NUDT2: variants seen among roughly 807,000 people sequenced by gnomAD.
The protein encoded by NUDT2 is bis(5'-nucleosyl)-tetraphosphatase [asymmetrical].
In NUDT2, 12 loss-of-function variants were observed where a neutral mutation model predicts 14.2. The ratio of observed to expected loss-of-function variants is 0.84; its 90% CI spans 0.54 to 1.37. The LOEUF (loss-of-function observed/expected upper bound fraction) is 1.37, where lower values mean the gene tolerates loss of function less well. NUDT2 is among the 40% of genes most tolerant of loss of function. The pLI is 0.00. For missense variants in NUDT2, 167 were observed against 176.7 expected, an observed-to-expected ratio of 0.95 and a Z score of 0.31; for synonymous variants, 67 against 67.4, an observed-to-expected ratio of 0.99 and a Z score of 0.03.
At chr9:34,334,751 A>G (rs1357552053) in intron 1 of NUDT2, among the ~76,000 whole-genome samples, 1 of 152,212 alleles carries the variant, frequency 6.6e-6, no homozygotes, top group African/African-American at 2.4e-5. Context: ...CTTCCCTGCC[A>G]GAGGTACCAG....
intron 1 of NUDT2, among the ~76,000 whole-genome samples, chr9:34,329,806 A>G (rs2131847561): frequency 6.6e-6 from 1 of 152,054 alleles, no homozygotes; most frequent in Admixed American, 6.6e-5. Context: ...GGGAGAAGGG[A>G]GGTTCCCTGA....
intron 1 of NUDT2, among the ~76,000 whole-genome samples, chr9:34,332,241 A>G (rs1837961916): frequency 6.6e-6 from 1 of 152,180 alleles, no homozygotes; most frequent in Non-Finnish European, 1.5e-5. Flanking sequence ...GGTGTTGCCC[A>G]CACTCCTCCC....
rs1193309114 is a variant in NUDT2, at chr9:34,343,466, T to A, written c.*26T>A. ...GCTGACTGGAGCAGAGTCATTTGCT[T>A]CAGCAGGATCCTTGTGGGCCTTCTA... On this transcript the variant is annotated 3_prime_UTR_variant, in exon 5 of 5. Transcript: ENST00000379158. 1 of 1,529,506 alleles carries A rather than the reference T, an allele frequency of 6.5e-7. No homozygotes were observed. Among genetic ancestry groups the A allele is most frequent in the Admixed American group, 2.0e-5 (1 of 49,156 alleles). The allele number at this position is 1,529,506 out of a possible 1,614,324, so 94.7% of individuals were successfully genotyped here. A position where few individuals can be genotyped will look rare whatever the true frequency, so the allele number is the denominator to read the frequency against.
intron 1 of NUDT2, among the ~76,000 whole-genome samples, chr9:34,332,531 C>T (rs907598037): frequency 6.6e-5 from 10 of 152,272 alleles, no homozygotes; most frequent in Admixed American, 4.6e-4. Flanking sequence ...ACAAATTCCC[C>T]GAGTTAGCTT....
In NUDT2 at chr9:34,339,046, T is replaced by C. The variant is rs148118852; in HGVS notation, c.7T>C (p.Leu3=). Residue 3 remains leucine (L), a synonymous_variant, in exon 4 of 5, where the codon TTG becomes CTG. Coordinates refer to ENST00000379158, the MANE Select transcript of NUDT2 (RefSeq NM_001161.5). The stretch of plus-strand genomic sequence containing the variant: ...AAGTCCTTAGGATAAGACCATGGCC[T>C]TGAGAGCATGTGGCTTGATCATCTT... MA[L]RACGLIIFRR... 1.5e-4 allele frequency: 248 copies of C among 1,613,596 alleles called. 3 individuals are homozygous for C. In the African/African-American group the frequency reaches 2.9e-3, roughly 19 times the overall value.
chr9:34,338,327 TAAAAAAAA>T (rs61594121), intron 2 of NUDT2, among the ~76,000 whole-genome samples: 11 of 33,738 alleles, frequency 3.3e-4, no homozygotes, highest in African/African-American at 1.0e-3. Context: ...ACCCTGTCTC[TAAAAAAAA>T]AAAAAAAAAA....
intron 1 of NUDT2, among the ~76,000 whole-genome samples, chr9:34,334,417 T>C (rs996730550): frequency 6.6e-6 from 1 of 152,170 alleles, no homozygotes; most frequent in Non-Finnish European, 1.5e-5. Context: ...GCTGCAGGCA[T>C]ATTTGCATAT....
intron 4 of NUDT2, among the ~76,000 whole-genome samples, chr9:34,342,567 C>T (rs1451914279): frequency 6.6e-6 from 1 of 152,142 alleles, no homozygotes; most frequent in Non-Finnish European, 1.5e-5. Flanking sequence ...ACCTGACTTG[C>T]TATACACATG....
At chr9:34,338,877 T>C (rs1207671501) in intron 3 of NUDT2, 30 bp downstream of exon 3, 2 of 593,420 alleles carry the variant, frequency 3.4e-6, no homozygotes, top group African/African-American at 1.8e-5. Flanking sequence ...ATGCCTTCCA[T>C]TGGTCCTGGG....
chr9:34,338,356 A>AACAAAAAAAAAAAAAAAAAAAAAAAAC, intron 2 of NUDT2, among the ~76,000 whole-genome samples: 1 of 137,958 alleles, frequency 7.2e-6, no homozygotes. Context: ...AAAAAAAAAA[A>AACAAAAAAAAAAAAAAAAAAAAAAAAC]ATTGGCCAGG....
chr9:34,339,300 C>A (rs1838176834), intron 4 of NUDT2, 134 bp downstream of exon 4: 5 of 1,049,960 alleles, frequency 4.8e-6, no homozygotes, highest in Non-Finnish European at 5.5e-6. Context: ...GAGCTCTTGA[C>A]CCTTTCTACA....
At chr9:34,330,697 C>T (rs1393434175) in intron 1 of NUDT2, among the ~76,000 whole-genome samples, 6 of 152,034 alleles carry the variant, frequency 3.9e-5, no homozygotes, top group Non-Finnish European at 8.8e-5. Context: ...CGCGGTGGCT[C>T]ACGCCTGTAA....
intron 1 of NUDT2, among the ~76,000 whole-genome samples, chr9:34,332,180 A>G (rs1452886646): frequency 6.6e-6 from 1 of 152,224 alleles, no homozygotes; most frequent in Non-Finnish European, 1.5e-5. Flanking sequence ...TTCATTGCCT[A>G]CAGAATATAA....
At chr9:34,334,593 G>A (rs961488357) in intron 1 of NUDT2, among the ~76,000 whole-genome samples, 4 of 152,168 alleles carry the variant, frequency 2.6e-5, no homozygotes, top group African/African-American at 9.7e-5. Context: ...GCACTCTTCA[G>A]GAAAACACTG....
intron 1 of NUDT2, among the ~76,000 whole-genome samples, chr9:34,331,197 T>G (rs1837922675): frequency 6.6e-6 from 1 of 152,230 alleles, no homozygotes; most frequent in African/African-American, 2.4e-5. Flanking sequence ...ATATATATAC[T>G]GTGGTGAACA....
At chr9:34,331,957 C>T (rs1413637740) in intron 1 of NUDT2, among the ~76,000 whole-genome samples, 1 of 152,210 alleles carries the variant, frequency 6.6e-6, no homozygotes, top group East Asian at 1.9e-4. Context: ...TGAAATATCT[C>T]TCAGATTCAT....
chr9:34,333,992 A>T (rs760441977), intron 1 of NUDT2, among the ~76,000 whole-genome samples: 7 of 152,216 alleles, frequency 4.6e-5, no homozygotes, highest in Non-Finnish European at 1.0e-4. Flanking sequence ...CTGGCACAGT[A>T]TATATAGATG....
chr9:34,334,727 C>T (rs772896194), intron 1 of NUDT2, among the ~76,000 whole-genome samples: 1 of 152,136 alleles, frequency 6.6e-6, no homozygotes, highest in Admixed American at 6.5e-5. Context: ...GAAAACAGAG[C>T]TTATAATCTG....
At chr9:34,341,164 G>C (rs527256304) in intron 4 of NUDT2, among the ~76,000 whole-genome samples, 1 of 152,168 alleles carries the variant, frequency 6.6e-6, no homozygotes, top group Non-Finnish European at 1.5e-5. Flanking sequence ...ACTTGTCTCC[G>C]GATCACATGA....
Sources: gnomAD v4.1 joint callset for allele counts (sites outside exome capture counted in the v4.1 genomes callset) on GRCh38, gnomAD v4.1.1 for gene constraint, MANE v1.5 for transcripts, NCBI Gene and HGNC (gene_info 2026-07-23, HGNC 2026-07-21) for gene names.